The following CATSPERD variants were observed in gnomAD, a reference collection of about 807,000 sequenced individuals.
CATSPERD encodes the protein cation channel sperm-associated auxiliary subunit delta.
A neutral mutation model predicts 98.1 loss-of-function variants in CATSPERD; 86 were observed. That is an observed-to-expected ratio of 0.88 (90% CI 0.74 to 1.05). The LOEUF (loss-of-function observed/expected upper bound fraction) is 1.05. CATSPERD is among the 50% of genes least tolerant of loss of function. CATSPERD has a pLI of 0.00. For missense variants in CATSPERD, 995 were observed against 1,005.7 expected, an observed-to-expected ratio of 0.99 and a Z score of 0.14; for synonymous variants, 394 against 390.2, an observed-to-expected ratio of 1.01 and a Z score of -0.12.
intron 20 of CATSPERD, among the ~76,000 whole-genome samples, chr19:5,775,927 C>G (rs928439079): frequency 2.0e-5 from 3 of 152,130 alleles, no homozygotes; most frequent in African/African-American, 4.8e-5. Context: ...GATCACCACC[C>G]TCAATCTTTC....
At chr19:5,732,337 C>G (rs1395240789) in intron 4 of CATSPERD, among the ~76,000 whole-genome samples, 1 of 151,974 alleles carries the variant, frequency 6.6e-6, no homozygotes, top group Non-Finnish European at 1.5e-5. Flanking sequence ...CACCCAAGAC[C>G]AGCTTCAACT....
intron 15 of CATSPERD, among the ~76,000 whole-genome samples, chr19:5,761,744 C>G (rs938446331): frequency 4.6e-5 from 7 of 151,002 alleles, no homozygotes; most frequent in Admixed American, 2.7e-4. Context: ...CTCTTGTTGC[C>G]CAAGCTGGAG....
In CATSPERD at chr19:5,759,292, TG is replaced by T. The variant is rs1417025276; in HGVS notation, c.1427+150del. On this transcript the variant is annotated intron_variant, in intron 15 of 21. Coordinates refer to ENST00000381624, the MANE Select transcript of CATSPERD (RefSeq NM_152784.4). ...AACACTTTACAAGAGCTGGGCGCGGTGGCTCACGCCTGCAATCCCAGTACTT... is the reference window on the plus strand; with the variant it reads ...AACACTTTACAAGAGCTGGGCGCGGTGCTCACGCCTGCAATCCCAGTACTT... The T allele has an allele frequency of 4.0e-5, 31 of 768,856 alleles. 1 individual carries two copies. The East Asian group carries it at 8.2e-4, about 20-fold the overall frequency. 47.6% of individuals were successfully genotyped at this position (768,856 alleles called of 1,614,324 possible).
chr19:5,763,198 G>T lies in CATSPERD; in HGVS notation c.1428-17G>T, dbSNP rs757748907. 2.5e-6 allele frequency: 4 copies of T among 1,610,978 alleles called. No homozygotes were observed. The highest frequency in any genetic ancestry group is 3.3e-5 in the Admixed American group (2 of 59,952). ...GGGGTGCTATTCTCTAATAACACAGGTTCCGTTGCCTTGCAGTTTAAAGAA... is the reference window on the plus strand; with the variant it reads ...GGGGTGCTATTCTCTAATAACACAGTTTCCGTTGCCTTGCAGTTTAAAGAA... On this transcript the variant is annotated splice_polypyrimidine_tract_variant and intron_variant, in intron 15 of 21. Transcript: ENST00000381624.
chr19:5,769,370 G>A (rs2056604637), intron 18 of CATSPERD, among the ~76,000 whole-genome samples: 1 of 151,474 alleles, frequency 6.6e-6, no homozygotes. Flanking sequence ...CAGTTCTCAT[G>A]GAAGCTGAGA....
rs529155205 is a variant in CATSPERD, at chr19:5,748,181, G to A, written c.830G>A (p.Arg277Gln). ...HNAGQLVDTV[R>Q]VKKGDQTLFS... The stretch of plus-strand genomic sequence containing the variant: ...CTAGGTCAGCTCGTCGACACCGTCC[G>A]GGTGAAAAAAGGAGACCAGACCTTG... Residue 277 changes from arginine to glutamine, a missense_variant, in exon 10 of 22, where the codon CGG becomes CAG. Arg to Gln is a conservative substitution (Grantham distance 43, BLOSUM62 1). This residue lies in a region of CATSPERD where 762 missense variants were observed against 773.7 expected (regional missense o/e 0.98). Transcript: ENST00000381624. 174 of 1,613,748 alleles carry A rather than the reference G, an allele frequency of 1.1e-4. 1 individual carries two copies. In the South Asian group the frequency reaches 1.4e-3, roughly 13 times the overall value.
At position 5,739,357 on chromosome 19, in the gene CATSPERD, G is replaced by T; in HGVS notation, c.491G>T (p.Arg164Leu). ...AGTAATTTGGTTTTTGCATATTTCC[G>T]TGGAGATCAGATATCCCAGACTTAT... is the stretch of plus-strand genomic sequence containing the variant. Reference protein sequence around the residue: ...HVSNLVFAYFRGDQISQTYIY... With the variant: ...HVSNLVFAYFLGDQISQTYIY... Residue 164 changes from arginine to leucine, a missense_variant, in exon 7 of 22, where the codon CGT becomes CTT. Physicochemically the swap from Arg to Leu is moderately radical, Grantham distance 102. Around this residue, in one of 3 missense-constraint regions of CATSPERD, gnomAD observed 228 missense variants for 209.6 expected, o/e 1.09. Transcript: ENST00000381624. 6.3e-7 allele frequency: 1 copy of T among 1,578,052 alleles called. No homozygotes were observed. Among genetic ancestry groups the T allele is most frequent in the Admixed American group, 1.9e-5 (1 of 53,626 alleles).
At chr19:5,729,972 G>A in intron 4 of CATSPERD, 28 bp downstream of exon 4, 1 of 1,245,954 alleles carries the variant, frequency 8.0e-7, no homozygotes, top group East Asian at 2.3e-5. Context: ...TGATCTGAAG[G>A]ATGCTAGTAT....
chr19:5,755,745 C>T (rs1406062600), intron 13 of CATSPERD, among the ~76,000 whole-genome samples: 1 of 151,710 alleles, frequency 6.6e-6, no homozygotes, highest in Admixed American at 6.6e-5. Context: ...TGCACTCCAG[C>T]CTGGGCAACA....
rs746960381 is a variant in CATSPERD at position 5,778,479 on chromosome 19, C to A, written c.2200C>A (p.Leu734Met). ...CATCCTACTGATCATCTCCAGCATCCTGGGGTCCGTTTGGCTGGCCTACAA... is the reference window on the plus strand; with the variant it reads ...CATCCTACTGATCATCTCCAGCATCATGGGGTCCGTTTGGCTGGCCTACAA... ...VVILLIISSILGSVWLAYKTP... is the reference protein window; with the variant it reads ...VVILLIISSIMGSVWLAYKTP... Residue 734 changes from leucine to methionine, a missense_variant, in exon 22 of 22, where the codon CTG (leucine) becomes ATG (methionine). Physicochemically the swap from Leu to Met is conservative, Grantham distance 15. Around this residue, in one of 3 missense-constraint regions of CATSPERD, gnomAD observed 762 missense variants for 773.7 expected, o/e 0.98. Transcript: ENST00000381624. 1 of 1,614,064 alleles carries A rather than the reference C, an allele frequency of 6.2e-7. No homozygotes were observed. The highest frequency in any genetic ancestry group is 1.3e-5 in the African/African-American group (1 of 75,042).
At chr19:5,745,653 T>C (rs2485268) in intron 8 of CATSPERD, among the ~76,000 whole-genome samples, 60,433 of 152,028 alleles carry the variant, frequency 0.4, 12,317 homozygotes, top group Non-Finnish European at 0.44. Context: ...AAATAAATCT[T>C]CAAAATGCAT....
rs2055653314 is a variant in CATSPERD, at chr19:5,728,507, T to C, written c.203+1163T>C. Among the ~76,000 whole-genome samples the C allele has an allele frequency of 2.0e-5, 3 of 151,726 alleles. No homozygotes were observed. In the South Asian group the frequency reaches 6.2e-4, roughly 32 times the overall value. On this transcript the variant is annotated intron_variant, in intron 3 of 21. Transcript: ENST00000381624. ...GAGTTCGAGGGGGTACAGTGAGCCA[T>C]GAGCACACCATTGTACCCCGTCTGG...
chr19:5,754,391 GTC>G (rs2056285052), intron 13 of CATSPERD, 146 bp downstream of exon 13: 8 of 273,752 alleles, frequency 2.9e-5, no homozygotes, highest in East Asian at 1.3e-4. Flanking sequence ...TTGTCTCTGT[GTC>G]TTTTTTTTTT....
At chr19:5,724,757 A>C in intron 1 of CATSPERD, 51 bp from the exon 2 acceptor site, 2 of 1,568,780 alleles carry the variant, frequency 1.3e-6, no homozygotes, top group Non-Finnish European at 1.8e-6. Context: ...AGGAGGATTC[A>C]TGCTGAATAT....
chr19:5,758,981 T>C, intron 14 of CATSPERD, 105 bp from the exon 15 acceptor site: 1 of 852,510 alleles, frequency 1.2e-6, no homozygotes. Context: ...TCCAGGTTCG[T>C]CCCCCCATGT....
chr19:5,775,096 G>T, intron 20 of CATSPERD: 1 of 356,658 alleles, frequency 2.8e-6, no homozygotes, highest in Admixed American at 3.6e-5. Flanking sequence ...GCCCAGGAAG[G>T]CCTGAAAGCA....
Position 5,756,977 on chromosome 19 carries a change from C to T in CATSPERD, c.1279-866C>T, listed in dbSNP as rs569748120. On this transcript the variant is annotated intron_variant, in intron 13 of 21. Coordinates refer to ENST00000381624, the MANE Select transcript of CATSPERD (RefSeq NM_152784.4). Reference sequence around the variant, plus strand: ...TAAAAATAAATAAATAGGCCAGGTGCGGTGGCTCACGCCTGTAATCCCAGC... The same window carrying T: ...TAAAAATAAATAAATAGGCCAGGTGTGGTGGCTCACGCCTGTAATCCCAGC... Among the ~76,000 whole-genome samples, 4 of 151,304 alleles carry T rather than the reference C, an allele frequency of 2.6e-5. No individual in the cohort carries two copies. In the South Asian group the frequency reaches 8.4e-4, roughly 32 times the overall value.
At chr19:5,744,380 G>A (rs2056055440) in intron 7 of CATSPERD, 47 bp from the exon 8 acceptor site, 3 of 1,454,678 alleles carry the variant, frequency 2.1e-6, no homozygotes, top group Non-Finnish European at 2.9e-6. Context: ...ACAAACACAT[G>A]TGTATTAAGA....
intron 2 of CATSPERD, among the ~76,000 whole-genome samples, chr19:5,726,807 T>C (rs1481639915): frequency 6.6e-6 from 1 of 152,176 alleles, no homozygotes; most frequent in African/African-American, 2.4e-5. Context: ...TCTGACATGA[T>C]CATAGTACGA....
Sources: allele counts gnomAD v4.1 joint callset (sites outside exome capture counted in the v4.1 genomes callset), GRCh38; gene constraint gnomAD v4.1.1; regional missense constraint gnomAD v4.1.1; transcripts MANE v1.5; gene names NCBI Gene and HGNC (gene_info 2026-07-23, HGNC 2026-07-21).